The following FHIT variants were observed in gnomAD, a reference collection of about 807,000 sequenced individuals.
FHIT encodes the protein bis(5'-adenosyl)-triphosphatase.
A neutral mutation model predicts 17.9 loss-of-function variants in FHIT; 19 were observed. The observed-to-expected ratio is 1.06, with a 90% CI of 0.74 to 1.56. The LOEUF (loss-of-function observed/expected upper bound fraction) is 1.56, where lower values mean the gene tolerates loss of function less well. FHIT is among the 40% of genes most tolerant of loss of function. The pLI, the probability that FHIT is intolerant of heterozygous loss-of-function variation, is 0.00. For missense variants in FHIT, 248 were observed against 189.2 expected (o/e 1.31, Z -1.82); for synonymous variants, 81 against 69.7 (o/e 1.16, Z -0.81).
Position 59,783,395 on chromosome 3 carries a change from G to A in FHIT, c.349-31074C>T, listed in dbSNP as rs188011518. Among the ~76,000 whole-genome samples the A allele has an allele frequency of 4.1e-3, 619 of 152,234 alleles. 6 individuals carry two copies. The highest frequency in any genetic ancestry group is 0.014 in the African/African-American group (584 of 41,532). On this transcript the variant is annotated intron_variant, in intron 8 of 9. Transcript: ENST00000492590. Reference sequence around the variant, plus strand: ...GAGGCAGGAGAATCGCTTGAACTCCGGAGGTGTAGGTTGCAGTGAGACCAA... The same window carrying A: ...GAGGCAGGAGAATCGCTTGAACTCCAGAGGTGTAGGTTGCAGTGAGACCAA...
intron 5 of FHIT, among the ~76,000 whole-genome samples, chr3:60,463,603 G>A (rs1228088486): frequency 1.3e-5 from 2 of 152,184 alleles, no homozygotes; most frequent in Admixed American, 1.3e-4. Context: ...CTGGGGAAAG[G>A]AAGGGGACGT....
intron 1 of FHIT, among the ~76,000 whole-genome samples, chr3:61,234,152 T>C (rs2040171651): frequency 6.6e-6 from 1 of 152,134 alleles, no homozygotes; most frequent in Non-Finnish European, 1.5e-5. Context: ...CTGAAGCTCC[T>C]GGGAAGTAGA....
At chr3:61,015,036 C>T (rs1015109289) in intron 3 of FHIT, among the ~76,000 whole-genome samples, 1 of 151,556 alleles carries the variant, frequency 6.6e-6, no homozygotes. Context: ...AGATAAGGTA[C>T]TTTTCCTGAA....
chr3:60,575,637 G>T (rs908558849), intron 4 of FHIT, among the ~76,000 whole-genome samples: 1 of 152,114 alleles, frequency 6.6e-6, no homozygotes, highest in Non-Finnish European at 1.5e-5. Flanking sequence ...AACTGGCATC[G>T]GAGACAGAAT....
chr3:60,118,551 G>A (rs1183452378), intron 5 of FHIT, among the ~76,000 whole-genome samples: 3 of 152,102 alleles, frequency 2.0e-5, no homozygotes, highest in African/African-American at 4.8e-5. Flanking sequence ...TTCCTACAGT[G>A]CTTTCTTCAA....
chr3:60,649,177 C>A (rs782021400), intron 4 of FHIT, among the ~76,000 whole-genome samples: 48 of 152,094 alleles, frequency 3.2e-4, no homozygotes, highest in Admixed American at 4.6e-4. Context: ...ACGGGTGGAT[C>A]ACCAGGTCAG....
intron 5 of FHIT, among the ~76,000 whole-genome samples, chr3:60,052,108 A>G (rs1490616476): frequency 6.6e-6 from 1 of 152,110 alleles, no homozygotes; most frequent in East Asian, 1.9e-4. Context: ...TGTTTTTAGG[A>G]GTGGCTTTCC....
intron 5 of FHIT, among the ~76,000 whole-genome samples, chr3:60,531,273 TC>T (rs375320885): frequency 8.9e-6 from 1 of 112,632 alleles, no homozygotes. Flanking sequence ...TGAAAAGAAC[TC>T]TTTTTTTTTT....
chr3:59,818,163 C>T (rs1245834817), intron 8 of FHIT, among the ~76,000 whole-genome samples: 1 of 152,022 alleles, frequency 6.6e-6, no homozygotes, highest in Non-Finnish European at 1.5e-5. Flanking sequence ...CAGAAAACTT[C>T]AAAGCAGAAT....
intron 8 of FHIT, among the ~76,000 whole-genome samples, chr3:59,824,891 G>A (rs932785527): frequency 6.6e-6 from 1 of 151,952 alleles, no homozygotes; most frequent in East Asian, 1.9e-4. Context: ...CCCCACCATT[G>A]TAGACTAATT....
chr3:60,689,556 C>T (rs969249191), intron 4 of FHIT, among the ~76,000 whole-genome samples: 17 of 152,228 alleles, frequency 1.1e-4, no homozygotes, highest in Middle Eastern at 3.4e-3. Context: ...TACCAAGGGA[C>T]GACAGTACTT....
At chr3:61,203,349 C>CAAAA (rs1181915724) in intron 1 of FHIT, among the ~76,000 whole-genome samples, 1 of 112,590 alleles carries the variant, frequency 8.9e-6, no homozygotes, top group Non-Finnish European at 1.9e-5. Context: ...AACTTTTTCT[C>CAAAA]AAAAAAAAAA....
rs1269915221 is a variant in FHIT, at chr3:60,122,528, C to G, written c.104-108376G>C. Among the ~76,000 whole-genome samples, 3 of 152,142 alleles carry G rather than the reference C, an allele frequency of 2.0e-5. No homozygotes were observed. The East Asian group carries it at 5.8e-4, about 29-fold the overall frequency. The stretch of plus-strand genomic sequence containing the variant: ...AATCTAGGAGTTAGGTAAACAGTGT[C>G]TAGCCACAAGAACAGAGGAGGGGTT... On this transcript the variant is annotated intron_variant, in intron 5 of 9. Coordinates refer to ENST00000492590, the MANE Select transcript of FHIT (RefSeq NM_002012.4).
chr3:61,207,231 T>C (rs1312562028), intron 1 of FHIT, among the ~76,000 whole-genome samples: 1 of 152,178 alleles, frequency 6.6e-6, no homozygotes, highest in Non-Finnish European at 1.5e-5. Context: ...CAGTATTTTA[T>C]TGAGGGTTTC....
chr3:60,323,940 T>C (rs1175599796), intron 5 of FHIT, among the ~76,000 whole-genome samples: 1 of 151,954 alleles, frequency 6.6e-6, no homozygotes, highest in Non-Finnish European at 1.5e-5. Flanking sequence ...TTGAAAGAAA[T>C]GAAAGGGAAT....
chr3:59,823,518 T>C (rs900324852), intron 8 of FHIT, among the ~76,000 whole-genome samples: 3 of 152,058 alleles, frequency 2.0e-5, no homozygotes, highest in African/African-American at 7.2e-5. Context: ...GTGGGTTTCA[T>C]ACCAGGGATA....
At chr3:60,032,966 A>T (rs1037588263) in intron 5 of FHIT, among the ~76,000 whole-genome samples, 1 of 152,214 alleles carries the variant, frequency 6.6e-6, no homozygotes, top group Non-Finnish European at 1.5e-5. Context: ...GTAACACTAA[A>T]GGGAAGCAAA....
chr3:60,536,782 C>A lies in FHIT; in HGVS notation c.103+78G>T, dbSNP rs540990817. ...CTTTTTGGACAGACTGGAGGCCAAT[C>A]TTGTATTTATATTCATTTGGCTGGT... is the stretch of plus-strand genomic sequence containing the variant. On this transcript the variant is annotated intron_variant, in intron 5 of 9. Coordinates refer to ENST00000492590, the MANE Select transcript of FHIT (RefSeq NM_002012.4). The A allele has an allele frequency of 8.8e-4, 1,288 of 1,459,984 alleles. 2 individuals are homozygous for A. The highest frequency in any genetic ancestry group is 1.3e-3 in the Middle Eastern group (7 of 5,578). The allele number at this position is 1,459,984 out of a possible 1,614,324, so 90.4% of individuals were successfully genotyped here.
chr3:60,341,660 A>G (rs17599845), intron 5 of FHIT, among the ~76,000 whole-genome samples: 56,675 of 151,924 alleles, frequency 0.37, 11,650 homozygotes, highest in South Asian at 0.62. Context: ...AGATGCCTCT[A>G]TGTAGTCTCT....
Sources: allele counts gnomAD v4.1 joint callset (sites outside exome capture counted in the v4.1 genomes callset), GRCh38; gene constraint gnomAD v4.1.1; transcripts MANE v1.5; gene names NCBI Gene and HGNC (gene_info 2026-07-23, HGNC 2026-07-21).